The following HDAC4 variants were observed in gnomAD, a reference collection of about 807,000 sequenced individuals.
The protein encoded by HDAC4 is histone deacetylase 4, also known as histone deacetylase A.
A neutral mutation model predicts 135.1 loss-of-function variants in HDAC4; 16 were observed. The observed-to-expected ratio is 0.12, with a 90% CI of 0.08 to 0.18. The LOEUF is 0.18. HDAC4 is among the 10% of genes least tolerant of loss of function. The pLI is 1.00. For missense variants in HDAC4, 1,143 were observed against 1,511.8 expected, an observed-to-expected ratio of 0.76 and a Z score of 4.05; for synonymous variants, 685 against 653.4, an observed-to-expected ratio of 1.05 and a Z score of -0.74.
Position 239,187,499 on chromosome 2 carries a change from C to T in HDAC4, c.339+2334G>A, listed in dbSNP as rs148624337. Among the ~76,000 whole-genome samples, 385 of 152,342 alleles carry T rather than the reference C, an allele frequency of 2.5e-3. 2 individuals are homozygous for T. The highest frequency in any genetic ancestry group is 8.8e-3 in the African/African-American group (367 of 41,574). ...AGGCTGCAGGGATTGCCTGCAGTGACTCCCCCGGACCCGCGCCTTCTGCCT... is the reference window on the plus strand; with the variant it reads ...AGGCTGCAGGGATTGCCTGCAGTGATTCCCCCGGACCCGCGCCTTCTGCCT... On this transcript the variant is annotated intron_variant, in intron 4 of 26. Transcript: ENST00000543185.
intron 8 of HDAC4, among the ~76,000 whole-genome samples, chr2:239,142,734 T>C (rs375221522): frequency 8.0e-4 from 120 of 150,552 alleles, no homozygotes; most frequent in African/African-American, 2.7e-3. Flanking sequence ...TTAGCACTGA[T>C]CAAGCCCTGT....
At chr2:239,343,931 C>A (rs1227321812) in intron 2 of HDAC4, among the ~76,000 whole-genome samples, 2 of 152,208 alleles carry the variant, frequency 1.3e-5, no homozygotes, top group African/African-American at 4.8e-5. Flanking sequence ...ACGTCACAGG[C>A]TATATGCAAG....
intron 18 of HDAC4, among the ~76,000 whole-genome samples, chr2:239,088,861 G>T (rs1054307143): frequency 7.2e-5 from 11 of 152,170 alleles, no homozygotes; most frequent in African/African-American, 2.2e-4. Context: ...TGAGATGGGG[G>T]TGATATTAAT....
chr2:239,138,600 G>A (rs911860812), intron 9 of HDAC4, among the ~76,000 whole-genome samples: 58 of 152,298 alleles, frequency 3.8e-4, no homozygotes, highest in Admixed American at 3.4e-3. Context: ...CTGCTAAAGC[G>A]TACCCCTCCC....
chr2:239,199,181 T>C (rs1306592067), intron 3 of HDAC4, among the ~76,000 whole-genome samples: 1 of 148,576 alleles, frequency 6.7e-6, no homozygotes, highest in African/African-American at 2.5e-5. Context: ...GATTACACCC[T>C]GGTGCTGACG....
intron 19 of HDAC4, among the ~76,000 whole-genome samples, chr2:239,086,386 C>T (rs140898460): frequency 0.02 from 2,960 of 149,128 alleles, 40 homozygotes; most frequent in Non-Finnish European, 0.03. Flanking sequence ...TGCTCTAACA[C>T]GCGGATCTGA....
intron 7 of HDAC4, among the ~76,000 whole-genome samples, chr2:239,145,388 TCTGTGAACAGCTCTGC>T (rs3838513): frequency 0.17 from 26,092 of 152,066 alleles, 3,261 homozygotes; most frequent in African/African-American, 0.36. Context: ...TGGGTCGGTT[TCTGTGAACAGCTCTGC>T]CTGTGTGGAC....
In HDAC4 at chr2:239,338,127, C is replaced by G. The variant is rs77503979; in HGVS notation, c.22+14551G>C. Among the ~76,000 whole-genome samples, 1,284 of 152,244 alleles carry G rather than the reference C, an allele frequency of 8.4e-3. 62 individuals are homozygous for G. The highest frequency in any genetic ancestry group is 0.059 in the Admixed American group (903 of 15,268). ...CACAGGCAGGTACTCCAGACAAGCA[C>G]AGAGAGACAACTCCGCTCCCAGCTG... On this transcript the variant is annotated intron_variant, in intron 2 of 26. Transcript: ENST00000543185.
Position 239,247,841 on chromosome 2 carries a change from G to A in HDAC4, c.23-11177C>T, listed in dbSNP as rs913220099. The stretch of plus-strand genomic sequence containing the variant: ...AGATCCCTCCCTGGAGCGAGGTGGA[G>A]AACGGAGGGCGCTGACCACAGTGGA... On this transcript the variant is annotated intron_variant, in intron 2 of 26. Coordinates refer to ENST00000543185, the MANE Select transcript of HDAC4 (RefSeq NM_001378414.1). 5.9e-5 allele frequency among the ~76,000 whole-genome samples: 9 copies of A among 152,210 alleles called. No individual in the cohort carries two copies. The South Asian group carries it at 1.2e-3, about 21-fold the overall frequency.
chr2:239,056,388 C>T (rs1047150213), intron 24 of HDAC4, among the ~76,000 whole-genome samples: 2 of 152,186 alleles, frequency 1.3e-5, no homozygotes, highest in East Asian at 1.9e-4. Flanking sequence ...TGGAGCACCT[C>T]GTGGTGCTGG....
chr2:239,087,968 G>A (rs1241613283), intron 18 of HDAC4, among the ~76,000 whole-genome samples: 1 of 152,190 alleles, frequency 6.6e-6, no homozygotes, highest in Non-Finnish European at 1.5e-5. Context: ...CCGTCGGCTC[G>A]GGACCAGGAC....
intron 9 of HDAC4, among the ~76,000 whole-genome samples, chr2:239,137,468 G>A (rs541627513): frequency 8.6e-5 from 13 of 151,838 alleles, no homozygotes; most frequent in Admixed American, 2.6e-4. Flanking sequence ...AGAGGAGGAG[G>A]TGCCGGCACT....
rs976841795 is a variant in HDAC4, at chr2:239,329,570, A to G, written c.22+23108T>C. 4.6e-5 allele frequency among the ~76,000 whole-genome samples: 7 copies of G among 151,424 alleles called. No individual in the cohort carries two copies. The East Asian group carries it at 1.4e-3, about 30-fold the overall frequency. ...GCTGGGGGAGGGAAGCTGGCATCAC[A>G]CAGACACCCGTGCTCCATTTGTTTT... On this transcript the variant is annotated intron_variant, in intron 2 of 26. Transcript: ENST00000543185.
At chr2:239,295,847 A>G (rs1313904073) in intron 2 of HDAC4, among the ~76,000 whole-genome samples, 1 of 152,154 alleles carries the variant, frequency 6.6e-6, no homozygotes, top group African/African-American at 2.4e-5. Flanking sequence ...TCCAAACCAC[A>G]TCACAAGTGC....
At chr2:239,149,511 C>T (rs921632216) in intron 7 of HDAC4, among the ~76,000 whole-genome samples, 3 of 152,144 alleles carry the variant, frequency 2.0e-5, no homozygotes, top group Non-Finnish European at 4.4e-5. Flanking sequence ...CAAGCAAAGA[C>T]GATGCCCCAC....
chr2:239,134,615 C>T lies in HDAC4; in HGVS notation c.1007G>A (p.Arg336Gln), dbSNP rs745805800. 103 of 1,613,982 alleles carry T rather than the reference C, an allele frequency of 6.4e-5. No individual in the cohort carries two copies. Among genetic ancestry groups the T allele is most frequent in the Middle Eastern group, 1.6e-4 (1 of 6,084 alleles). Residue 336 changes from arginine (R) to glutamine (Q), a missense_variant, in exon 10 of 27, where the codon CGA (arginine) becomes CAA (glutamine). Arg to Gln is a conservative substitution (Grantham distance 43). Transcript: ENST00000543185. ...ETSLAHRLVA[R>Q]EGSAAPLPLY... ...GGGAAGTGGAGCGGCCGAGCCTTCT[C>T]GTGCCACAAGTCTGTGCGCCAAACT...
chr2:239,369,533 A>G (rs1338517274), intron 1 of HDAC4, among the ~76,000 whole-genome samples: 1 of 152,274 alleles, frequency 6.6e-6, no homozygotes, highest in Non-Finnish European at 1.5e-5. Flanking sequence ...GTTTACAAAA[A>G]GCATTTTTAT....
At chr2:239,279,204 C>T (rs2050567887) in intron 2 of HDAC4, among the ~76,000 whole-genome samples, 1 of 152,204 alleles carries the variant, frequency 6.6e-6, no homozygotes, top group Non-Finnish European at 1.5e-5. Context: ...TTTGCTGTTT[C>T]TCCCAGGAGA....
chr2:239,271,879 G>A (rs6745266), intron 2 of HDAC4, among the ~76,000 whole-genome samples: 28,448 of 152,132 alleles, frequency 0.19, 3,227 homozygotes, highest in East Asian at 0.43. Context: ...TGTTTCGAGT[G>A]GGGGAAAAGC....
Sources: allele counts gnomAD v4.1 joint callset (sites outside exome capture counted in the v4.1 genomes callset), GRCh38; gene constraint gnomAD v4.1.1; transcripts MANE v1.5; gene names NCBI Gene and HGNC (gene_info 2026-07-23, HGNC 2026-07-21).